PRPSAP1: variants seen among roughly 807,000 people sequenced by gnomAD.
PRPSAP1 encodes phosphoribosyl pyrophosphate synthetase associated protein 1.
A neutral mutation model predicts 39.4 loss-of-function variants in PRPSAP1; 31 were observed. The ratio of observed to expected loss-of-function variants is 0.79; its 90% CI spans 0.59 to 1.06. The LOEUF (loss-of-function observed/expected upper bound fraction) is 1.06, where lower values mean the gene tolerates loss of function less well. Ranked by LOEUF, PRPSAP1 falls within the 50% of genes least tolerant of loss-of-function variation. The probability of loss-of-function intolerance (pLI) is 0.00; values close to 1 mark genes in which losing one functional copy is unlikely to be tolerated. For missense variants in PRPSAP1, 430 were observed against 511.6 expected (o/e 0.84, Z 1.54); for synonymous variants, 212 against 192.6 (o/e 1.10, Z -0.83).
chr17:76,340,618 C>T (rs112119416), intron 3 of PRPSAP1, among the ~76,000 whole-genome samples: 24 of 151,944 alleles, frequency 1.6e-4, no homozygotes, highest in African/African-American at 5.8e-4. Flanking sequence ...CGGCCTCGCA[C>T]GGTGGCTCGC....
rs376930404 is a variant in PRPSAP1 at position 76,325,827 on chromosome 17, C to G, written c.781+2890G>C. ...TTCACAGTGTTAGTCAGGACGGTCT[C>G]GATCTCCTGACCTCGTGATCTGCCC... is the stretch of plus-strand genomic sequence containing the variant. On this transcript the variant is annotated intron_variant, in intron 7 of 9. Transcript: ENST00000446526. Among the ~76,000 whole-genome samples the G allele has an allele frequency of 5.3e-5, 8 of 152,028 alleles. No individual in the cohort carries two copies. In the East Asian group the frequency reaches 1.4e-3, roughly 26 times the overall value.
chr17:76,331,217 G>A (rs1015410957), intron 4 of PRPSAP1, among the ~76,000 whole-genome samples: 37 of 152,284 alleles, frequency 2.4e-4, no homozygotes, highest in African/African-American at 8.7e-4. Context: ...GAGTACTGAA[G>A]AGGAAAAGGT....
chr17:76,348,942 GA>G (rs577793287), intron 1 of PRPSAP1, among the ~76,000 whole-genome samples: 5 of 152,168 alleles, frequency 3.3e-5, no homozygotes, highest in African/African-American at 1.2e-4. Flanking sequence ...CATAGAGAAG[GA>G]AAGAGGCTTC....
In PRPSAP1 at chr17:76,353,851, C is replaced by T; in HGVS notation, c.-148G>A. The T allele has an allele frequency of 7.3e-7, 1 of 1,365,730 alleles. No individual in the cohort carries two copies. Among genetic ancestry groups the T allele is most frequent in the Non-Finnish European group, 9.4e-7 (1 of 1,066,866 alleles). 84.6% of individuals were successfully genotyped at this position (1,365,730 alleles called of 1,614,324 possible). A position where few individuals can be genotyped will look rare whatever the true frequency, so the allele number is the denominator to read the frequency against. On this transcript the variant is annotated 5_prime_UTR_variant, in exon 1 of 10. Coordinates refer to ENST00000446526, the MANE Select transcript of PRPSAP1 (RefSeq NM_002766.3). ...TCCGAGGTCCGTGCCCTTGCGCACC[C>T]CACACCACTGACTACAGCGGCCGAG...
chr17:76,345,213 T>C (rs1304936987), intron 2 of PRPSAP1, among the ~76,000 whole-genome samples: 4 of 112,976 alleles, frequency 3.5e-5, no homozygotes, highest in Admixed American at 1.3e-4. Flanking sequence ...CCAGCCTGGG[T>C]GACAGAGCAA....
At chr17:76,340,899 T>C (rs1295968923) in intron 3 of PRPSAP1, among the ~76,000 whole-genome samples, 1 of 124,112 alleles carries the variant, frequency 8.1e-6, no homozygotes, top group East Asian at 2.8e-4. Flanking sequence ...CGAAACTCCA[T>C]CTCAAAAAAA....
At chr17:76,330,013 G>A in intron 6 of PRPSAP1, 30 bp downstream of exon 6, 2 of 1,602,752 alleles carry the variant, frequency 1.2e-6, no homozygotes, top group Non-Finnish European at 8.5e-7. Flanking sequence ...GCACTCAGGA[G>A]GGATCAGGAC....
At chr17:76,341,234 G>GTTTTTTTTTTTTTTTTTTTTTTTTTTT (rs5822126) in intron 3 of PRPSAP1, among the ~76,000 whole-genome samples, 1 of 119,976 alleles carries the variant, frequency 8.3e-6, no homozygotes, top group Non-Finnish European at 1.7e-5. Context: ...ACTTTTTTTT[G>GTTTTTTTTTTTTTTTTTTTTTTTTTTT]TTTTTTTTTT....
chr17:76,353,317 G>A, intron 1 of PRPSAP1: 1 of 518,450 alleles, frequency 1.9e-6, no homozygotes, highest in Non-Finnish European at 3.3e-6. Flanking sequence ...GGGGCGGGGG[G>A]CTGAGGTCAC....
intron 7 of PRPSAP1, 61 bp from the exon 8 acceptor site, chr17:76,313,952 T>G (rs1266837645): frequency 6.4e-7 from 1 of 1,569,132 alleles, no homozygotes; most frequent in African/African-American, 1.4e-5. Flanking sequence ...AGAAATGTAA[T>G]CACAACCTAA....
chr17:76,350,358 G>C (rs2071554943), intron 1 of PRPSAP1, among the ~76,000 whole-genome samples: 1 of 151,564 alleles, frequency 6.6e-6, no homozygotes, highest in African/African-American at 2.4e-5. Context: ...GGAATGGCGT[G>C]AACCCAGGGG....
chr17:76,333,876 T>TTCA (rs748323465), intron 3 of PRPSAP1, among the ~76,000 whole-genome samples: 180 of 128,372 alleles, frequency 1.4e-3, no homozygotes, highest in Middle Eastern at 4.4e-3. Flanking sequence ...TCATTCATTC[T>TTCA]TTCTTTCACT....
At chr17:76,345,544 G>A (rs73355763) in intron 2 of PRPSAP1, among the ~76,000 whole-genome samples, 2,113 of 151,544 alleles carry the variant, frequency 0.014, 57 homozygotes, top group African/African-American at 0.049. Flanking sequence ...GGAAGGTCAT[G>A]GCTGCAGTGT....
chr17:76,321,129 T>A (rs1413598433), intron 7 of PRPSAP1, among the ~76,000 whole-genome samples: 1 of 152,138 alleles, frequency 6.6e-6, no homozygotes, highest in Non-Finnish European at 1.5e-5. Flanking sequence ...TGTTTCTGTG[T>A]CACATTTTGG....
rs781680969 is a variant in PRPSAP1 at position 76,328,823 on chromosome 17, G to A, written c.675C>T (p.Ala225=). ...TGCACTGAGCTTCCCCGTGAATGAC[G>A]GCCAAACCCAGACGCAGTCTCTCCG... is the stretch of plus-strand genomic sequence containing the variant. ...SYAERLRLGL[A]VIHGEAQCTE... is the part of the protein sequence containing the mutation. The change falls in exon 7 of 10, where the codon GCC becomes GCT. Residue 225 remains alanine (A), a synonymous_variant. Coordinates refer to ENST00000446526, the MANE Select transcript of PRPSAP1 (RefSeq NM_002766.3). 79 of 1,613,934 alleles carry A rather than the reference G, an allele frequency of 4.9e-5. No homozygotes were observed. The highest frequency in any genetic ancestry group is 6.4e-5 in the Non-Finnish European group (75 of 1,180,010).
At chr17:76,347,484 C>CAAAAAAAAAAAAAAAAAAAAA (rs71161289) in intron 2 of PRPSAP1, among the ~76,000 whole-genome samples, 6 of 25,222 alleles carry the variant, frequency 2.4e-4, no homozygotes, top group Non-Finnish European at 4.1e-4. Flanking sequence ...AAGACTCCGT[C>CAAAAAAAAAAAAAAAAAAAAA]AAAAAAAAAA....
rs549207394 is a variant in PRPSAP1, at chr17:76,312,538, G to C, written c.999+332C>G. On this transcript the variant is annotated intron_variant, in intron 9 of 9. Transcript: ENST00000446526. ...CCCAGAACAGTTACATTAGACTGCA[G>C]GTGGCAAAATCATCTAGGGCAAAGG... 4.7e-4 allele frequency among the ~76,000 whole-genome samples: 72 copies of C among 152,100 alleles called. 1 individual carries two copies. Among genetic ancestry groups the C allele is most frequent in the Middle Eastern group, 3.4e-3 (1 of 292 alleles).
intron 7 of PRPSAP1, among the ~76,000 whole-genome samples, chr17:76,316,909 T>C (rs1456831948): frequency 2.0e-5 from 3 of 152,254 alleles, no homozygotes; most frequent in African/African-American, 7.2e-5. Context: ...TGCACACATG[T>C]GCACACATTT....
At chr17:76,349,817 G>A (rs921672340) in intron 1 of PRPSAP1, among the ~76,000 whole-genome samples, 21 of 151,554 alleles carry the variant, frequency 1.4e-4, no homozygotes, top group African/African-American at 5.1e-4. Flanking sequence ...CAGGCGCAGT[G>A]GTTCATGCTT....
Sources: allele counts gnomAD v4.1 joint callset (sites outside exome capture counted in the v4.1 genomes callset), GRCh38; gene constraint gnomAD v4.1.1; transcripts MANE v1.5; gene names NCBI Gene and HGNC (gene_info 2026-07-23, HGNC 2026-07-21).